The following CCDC39 variants were observed in gnomAD, a reference collection of about 807,000 sequenced individuals.
CCDC39 encodes the protein coiled-coil domain-containing protein 39.
CCDC39 carries 113 observed loss-of-function variants against 121.0 expected under a neutral mutation model. The ratio of observed to expected loss-of-function variants is 0.93; its 90% CI spans 0.80 to 1.09. CCDC39 has a LOEUF of 1.09. Ranked by LOEUF, CCDC39 falls within the 50% of genes least tolerant of loss-of-function variation. CCDC39 has a pLI of 0.00. For missense variants in CCDC39, 1,063 were observed against 1,074.7 expected (o/e 0.99, Z 0.15); for synonymous variants, 349 against 352.2 (o/e 0.99, Z 0.10).
At chr3:180,669,882 C>G (rs1178646599) in intron 1 of CCDC39, among the ~76,000 whole-genome samples, 1 of 152,096 alleles carries the variant, frequency 6.6e-6, no homozygotes, top group African/African-American at 2.4e-5. Context: ...CTGTTGAGCA[C>G]TGTTAATGAA....
intron 1 of CCDC39, among the ~76,000 whole-genome samples, chr3:180,676,938 T>C (rs1453428730): frequency 4.0e-5 from 6 of 151,072 alleles, no homozygotes; most frequent in East Asian, 2.0e-4. Flanking sequence ...TAGGTGGGAA[T>C]TGAACAATGC....
intron 13 of CCDC39, among the ~76,000 whole-genome samples, chr3:180,633,534 CTG>C (rs1416592712): frequency 6.6e-6 from 1 of 151,928 alleles, no homozygotes; most frequent in Non-Finnish European, 1.5e-5. Context: ...AATGAGCAAT[CTG>C]GAGAGAGAGA....
chr3:180,637,534 A>G (rs1037462223), intron 13 of CCDC39, among the ~76,000 whole-genome samples: 7 of 152,202 alleles, frequency 4.6e-5, no homozygotes, highest in African/African-American at 1.4e-4. Context: ...TCCTCAAGAA[A>G]GTAAAAACAG....
intron 12 of CCDC39, among the ~76,000 whole-genome samples, chr3:180,643,768 A>AT (rs1193839932): frequency 6.6e-6 from 1 of 152,208 alleles, no homozygotes; most frequent in African/African-American, 2.4e-5. Context: ...ATGTAGTACT[A>AT]TTTACAATAG....
rs370578307 is a variant in CCDC39, at chr3:180,616,816, A to G, written c.2406+10T>C. 2 of 1,607,032 alleles carry G rather than the reference A, an allele frequency of 1.2e-6. No homozygotes were observed. The highest frequency in any genetic ancestry group is 2.7e-5 in the African/African-American group (2 of 74,670). On this transcript the variant is annotated intron_variant, in intron 17 of 19. Coordinates refer to ENST00000476379, the MANE Select transcript of CCDC39 (RefSeq NM_181426.2). ...AATATGAAAGGTCAGTTTTTAAAAG[A>G]TATCGATACCTGTTTGGTCACTCTT...
chr3:180,639,349 T>C (rs149069227), intron 13 of CCDC39, among the ~76,000 whole-genome samples: 75 of 152,184 alleles, frequency 4.9e-4, no homozygotes, highest in African/African-American at 1.8e-3. Flanking sequence ...GTGAGTTGAG[T>C]TATTCAAACT....
intron 13 of CCDC39, among the ~76,000 whole-genome samples, chr3:180,635,195 T>C (rs983918461): frequency 2.6e-5 from 4 of 152,116 alleles, no homozygotes; most frequent in Admixed American, 6.5e-5. Context: ...AAGAACAGCA[T>C]TGGGGAAACC....
chr3:180,631,644 A>G, intron 13 of CCDC39, 52 bp from the exon 14 acceptor site: 3 of 1,481,836 alleles, frequency 2.0e-6, no homozygotes, highest in Middle Eastern at 3.5e-4. Context: ...TACAATTTTT[A>G]AAGGACTATC....
chr3:180,625,207 T>G (rs1232140875), intron 14 of CCDC39, among the ~76,000 whole-genome samples: 1 of 152,094 alleles, frequency 6.6e-6, no homozygotes, highest in African/African-American at 2.4e-5. Flanking sequence ...CTTGAAGGCC[T>G]TGTTCACTCT....
rs1711543066 is a variant in CCDC39 at position 180,654,760 on chromosome 3, A to G, written c.930+2T>C. On this transcript the variant is annotated splice_donor_variant, in intron 7 of 19. Coordinates refer to ENST00000476379, the MANE Select transcript of CCDC39 (RefSeq NM_181426.2). LOFTEE classifies it high-confidence loss of function. ...AAGCCAGTCTTTTTTGAGTTGACAT[A>G]CCTCACCCTTCAGCTGAATTCTACT... 9 of 1,600,380 alleles carry G rather than the reference A, an allele frequency of 5.6e-6. No homozygotes were observed. The highest frequency in any genetic ancestry group is 6.8e-6 in the Non-Finnish European group (8 of 1,172,578).
chr3:180,661,791 AG>A (rs1339088864), intron 3 of CCDC39, 69 bp downstream of exon 3: 44 of 1,393,318 alleles, frequency 3.2e-5, no homozygotes, highest in Non-Finnish European at 4.2e-5. Flanking sequence ...GAAAAAAAAA[AG>A]TCAATGCTCA....
chr3:180,652,656 T>C (rs1245749782), intron 7 of CCDC39, among the ~76,000 whole-genome samples: 1 of 152,184 alleles, frequency 6.6e-6, no homozygotes, highest in Admixed American at 6.5e-5. Flanking sequence ...TTCTAATAAC[T>C]ACATTTTACT....
Position 180,614,854 on chromosome 3 carries a change from T to C in CCDC39, c.*67A>G. ...TTTCCACTAGATAAAATGTGTTGGG[T>C]CGTTTTGTATTTTAAAGTATATTTT... On this transcript the variant is annotated 3_prime_UTR_variant, in exon 20 of 20. Transcript: ENST00000476379. The C allele has an allele frequency of 2.6e-5, 36 of 1,399,402 alleles. No homozygotes were observed. The South Asian group carries it at 4.6e-4, about 18-fold the overall frequency. 86.7% of individuals were successfully genotyped at this position (1,399,402 alleles called of 1,614,324 possible).
At chr3:180,625,742 A>G (rs1203500226) in intron 14 of CCDC39, among the ~76,000 whole-genome samples, 1 of 151,722 alleles carries the variant, frequency 6.6e-6, no homozygotes, top group African/African-American at 2.4e-5. Flanking sequence ...CTTAGGCAGT[A>G]CACAGGTTCA....
At chr3:180,650,753 A>G (rs968000529) in intron 9 of CCDC39, among the ~76,000 whole-genome samples, 2 of 151,872 alleles carry the variant, frequency 1.3e-5, no homozygotes, top group African/African-American at 2.4e-5. Flanking sequence ...GCTACTCAGA[A>G]GGCTGAGGCA....
In CCDC39 at chr3:180,659,763, T is replaced by C; in HGVS notation, c.523A>G (p.Thr175Ala). 6.2e-7 allele frequency: 1 copy of C among 1,604,028 alleles called. No individual in the cohort carries two copies. The highest frequency in any genetic ancestry group is 8.5e-7 in the Non-Finnish European group (1 of 1,172,602). Residue 175 changes from threonine (T) to alanine (A), a missense_variant, in exon 5 of 20, where the codon ACT (threonine) becomes GCT (alanine). Thr to Ala is a moderately conservative substitution (Grantham distance 58, BLOSUM62 0). Coordinates refer to ENST00000476379, the MANE Select transcript of CCDC39 (RefSeq NM_181426.2). The stretch of plus-strand genomic sequence containing the variant: ...AAAGTTAGTCTTTCTAATTGCAGAG[T>C]CAGTGCCTATGATGTAATTATATAC... ...QQDDNKIRAL[T>A]LQLERLTLEC...
At chr3:180,659,393 G>A in intron 6 of CCDC39, 59 bp downstream of exon 6, 3 of 1,588,910 alleles carry the variant, frequency 1.9e-6, no homozygotes, top group Non-Finnish European at 2.6e-6. Flanking sequence ...GGAATAATGA[G>A]TTAAATACAA....
At chr3:180,667,021 A>G (rs1711895002) in intron 1 of CCDC39, among the ~76,000 whole-genome samples, 1 of 152,134 alleles carries the variant, frequency 6.6e-6, no homozygotes, top group South Asian at 2.1e-4. Context: ...GAAAGATAAA[A>G]CCCTAAATAC....
intron 1 of CCDC39, among the ~76,000 whole-genome samples, chr3:180,668,927 G>A (rs1245142198): frequency 6.6e-6 from 1 of 152,090 alleles, no homozygotes; most frequent in African/African-American, 2.4e-5. Flanking sequence ...TATGTTTTGT[G>A]CTACACTGAG....
Sources: allele counts gnomAD v4.1 joint callset (sites outside exome capture counted in the v4.1 genomes callset), GRCh38; gene constraint gnomAD v4.1.1; transcripts MANE v1.5; gene names NCBI Gene and HGNC (gene_info 2026-07-23, HGNC 2026-07-21).